DSC1: variants seen among roughly 807,000 people sequenced by gnomAD.
The protein encoded by DSC1 is desmocollin-1.
In DSC1, 79 loss-of-function variants were observed where a neutral mutation model predicts 98.8. The observed-to-expected ratio is 0.80, with a 90% CI of 0.67 to 0.96. DSC1 has a LOEUF of 0.96. Ranked by LOEUF, DSC1 falls within the 50% of genes least tolerant of loss-of-function variation. The probability of loss-of-function intolerance (pLI) is 0.00; values close to 1 mark genes in which losing one functional copy is unlikely to be tolerated. For missense variants in DSC1, 1,115 were observed against 1,075.9 expected, an observed-to-expected ratio of 1.04 and a Z score of -0.51; for synonymous variants, 405 against 372.1, an observed-to-expected ratio of 1.09 and a Z score of -1.02.
rs751647056 is a variant in DSC1 at position 31,130,708 on chromosome 18, C to A, written c.2491G>T (p.Val831Leu). 10 of 1,613,476 alleles carry A rather than the reference C, an allele frequency of 6.2e-6. No individual in the cohort carries two copies. The highest frequency in any genetic ancestry group is 8.5e-6 in the Non-Finnish European group (10 of 1,179,880). ...SFTQPRLGEK[V>L]YLCGQDEEHK... Reference sequence around the variant, plus strand: ...TCCTCATCTTGTCCACACAAATACACCTTCTGTATCAAAAAAGAGCACATT... The same window carrying A: ...TCCTCATCTTGTCCACACAAATACAACTTCTGTATCAAAAAAGAGCACATT... Residue 831 changes from valine to leucine, a missense_variant, in exon 16 of 16, where the codon GTG becomes TTG. By Grantham distance (32) the Val-to-Leu change is conservative. Transcript: ENST00000257198.
At position 31,130,244 on chromosome 18, in the gene DSC1, G is replaced by C. The variant is rs1988454701; in HGVS notation, c.*270C>G. ...AAGTAACATCAGTTTGCAAATAAAAGGTGCAAGAAGGTGTACAGTACAGTC... is the reference window on the plus strand; with the variant it reads ...AAGTAACATCAGTTTGCAAATAAAACGTGCAAGAAGGTGTACAGTACAGTC... On this transcript the variant is annotated 3_prime_UTR_variant, in exon 16 of 16. Coordinates refer to ENST00000257198, the MANE Select transcript of DSC1 (RefSeq NM_024421.2). 5.9e-6 allele frequency: 2 copies of C among 339,522 alleles called. No homozygotes were observed. Among genetic ancestry groups the C allele is most frequent in the Non-Finnish European group, 1.1e-5 (2 of 188,700 alleles). 21.0% of individuals were successfully genotyped at this position (339,522 alleles called of 1,614,324 possible).
chr18:31,130,733 TTTA>T (rs1188376050), intron 15 of DSC1, 22 bp from the exon 16 acceptor site: 2 of 1,612,552 alleles, frequency 1.2e-6, no homozygotes, highest in Non-Finnish European at 8.5e-7. Flanking sequence ...AAGAGCACAT[TTTA>T]TTATTTTTTA....
chr18:31,141,424 T>C (rs1261138869), intron 9 of DSC1, among the ~76,000 whole-genome samples: 6 of 152,148 alleles, frequency 3.9e-5, no homozygotes, highest in Admixed American at 2.6e-4. Context: ...TATGGATAGA[T>C]GGACTAAAAA....
chr18:31,143,809 AC>A lies in DSC1; in HGVS notation c.940-19del. 1 of 1,538,638 alleles carries A rather than the reference AC, an allele frequency of 6.5e-7. No individual in the cohort carries two copies. The highest frequency in any genetic ancestry group is 8.7e-7 in the Non-Finnish European group (1 of 1,146,582). On this transcript the variant is annotated intron_variant, in intron 7 of 15. Coordinates refer to ENST00000257198, the MANE Select transcript of DSC1 (RefSeq NM_024421.2). The stretch of plus-strand genomic sequence containing the variant: ...TCACATTTCTGAAAAAAAGGAAAAA[AC>A]TACATTAATGAACACTTTTATTTCC...
intron 2 of DSC1, 76 bp from the exon 3 acceptor site, chr18:31,157,649 G>A: frequency 6.6e-7 from 1 of 1,510,894 alleles, no homozygotes; most frequent in Non-Finnish European, 9.2e-7. Context: ...TGACAGCCGT[G>A]AGTTAATGCA....
At chr18:31,157,038 A>G (rs1989111648) in intron 3 of DSC1, among the ~76,000 whole-genome samples, 1 of 152,210 alleles carries the variant, frequency 6.6e-6, no homozygotes, top group South Asian at 2.1e-4. Flanking sequence ...TCCAGCCTGA[A>G]TCACATTTCG....
At chr18:31,131,506 A>G (rs192144667) in intron 15 of DSC1, 88 bp downstream of exon 15, 2 of 1,512,828 alleles carry the variant, frequency 1.3e-6, no homozygotes, top group East Asian at 2.3e-5. Context: ...AATTCCAGGT[A>G]TATGAGGAGT....
chr18:31,155,356 G>T (rs193090259), intron 4 of DSC1, among the ~76,000 whole-genome samples: 1 of 152,100 alleles, frequency 6.6e-6, no homozygotes, highest in African/African-American at 2.4e-5. Flanking sequence ...TTGGCCGGGC[G>T]CAGTGGCTCA....
chr18:31,162,694 T>A lies in DSC1; in HGVS notation c.-100A>T. 1 of 995,100 alleles carries A rather than the reference T, an allele frequency of 1.0e-6. No individual in the cohort carries two copies. Among genetic ancestry groups the A allele is most frequent in the Non-Finnish European group, 1.6e-6 (1 of 635,242 alleles). The allele number at this position is 995,100 out of a possible 1,614,324, so 61.6% of individuals were successfully genotyped here. On this transcript the variant is annotated 5_prime_UTR_variant, in exon 1 of 16. Transcript: ENST00000257198. ...ACGCTGGCACTTGCACAGGGTATTC[T>A]GCTGCCACCTTGATGCAGCTGAGCT... is the stretch of plus-strand genomic sequence containing the variant.
chr18:31,157,596 C>G, intron 2 of DSC1, 23 bp from the exon 3 acceptor site: 2 of 1,613,492 alleles, frequency 1.2e-6, no homozygotes, highest in Non-Finnish European at 1.7e-6. Flanking sequence ...AATATCACAG[C>G]AGTTTGTCAG....
At chr18:31,139,507 T>G (rs183496653) in intron 11 of DSC1, among the ~76,000 whole-genome samples, 1 of 152,154 alleles carries the variant, frequency 6.6e-6, no homozygotes, top group Non-Finnish European at 1.5e-5. Context: ...TTAATTGTGA[T>G]GTAATTACAT....
At chr18:31,150,193 C>CA (rs977098296) in intron 5 of DSC1, among the ~76,000 whole-genome samples, 7 of 146,442 alleles carry the variant, frequency 4.8e-5, no homozygotes, top group Admixed American at 2.1e-4. Context: ...TCACCACCAT[C>CA]ATCATCACCA....
intron 14 of DSC1, chr18:31,132,080 A>C: frequency 1.8e-6 from 1 of 545,016 alleles, no homozygotes; most frequent in Non-Finnish European, 3.3e-6. Context: ...GTCATTGTAG[A>C]TGTAATTAGC....
chr18:31,131,649 G>C lies in DSC1; in HGVS notation c.2432C>G (p.Thr811Ser). 1 of 1,614,102 alleles carries C rather than the reference G, an allele frequency of 6.2e-7. No homozygotes were observed. Among genetic ancestry groups the C allele is most frequent in the Non-Finnish European group, 8.5e-7 (1 of 1,179,980 alleles). Reference protein sequence around the residue: ...ESVKGVGQGDTGRYAYTDWQS... With the variant: ...ESVKGVGQGDSGRYAYTDWQS... Reference sequence around the variant, plus strand: ...CCAGTCCGTGTACGCATATCTGCCAGTATCTCCCTGCCCCACTCCCTTGAC... The same window carrying C: ...CCAGTCCGTGTACGCATATCTGCCACTATCTCCCTGCCCCACTCCCTTGAC... The change falls in exon 15 of 16, where the codon ACT becomes AGT. Residue 811 changes from threonine (T) to serine (S), a missense_variant. Coordinates refer to ENST00000257198, the MANE Select transcript of DSC1 (RefSeq NM_024421.2).
At chr18:31,141,119 A>T (rs572165546) in intron 9 of DSC1, among the ~76,000 whole-genome samples, 1 of 152,244 alleles carries the variant, frequency 6.6e-6, no homozygotes, top group East Asian at 1.9e-4. Flanking sequence ...TTTTGTTCCC[A>T]GTTTCGGATA....
In DSC1 at chr18:31,131,692, G is replaced by A. The variant is rs767317210; in HGVS notation, c.2389C>T (p.His797Tyr). Residue 797 changes from histidine to tyrosine, a missense_variant, in exon 15 of 16, where the codon CAT (histidine) becomes TAT (tyrosine). By Grantham distance (83) the His-to-Tyr change is moderately conservative. Transcript: ENST00000257198. The stretch of plus-strand genomic sequence containing the variant: ...CCCTTGACGGACTCCAAGGTCTGAT[G>A]TCCACCTCCTTTGTTGGAATCCAAA... Reference protein sequence around the residue: ...YTLDSNKGGGHQTLESVKGVG... With the variant: ...YTLDSNKGGGYQTLESVKGVG... 1 of 1,614,070 alleles carries A rather than the reference G, an allele frequency of 6.2e-7. No individual in the cohort carries two copies. Among genetic ancestry groups the A allele is most frequent in the Non-Finnish European group, 8.5e-7 (1 of 1,179,988 alleles).
rs1989092958 is a variant in DSC1, at chr18:31,156,129, G to T, written c.385C>A (p.Leu129Ile). ...PKKRHTKDTALKRSKRRWAPI... is the reference protein window; with the variant it reads ...PKKRHTKDTAIKRSKRRWAPI... ...GCCCATCGTCTCTTGCTGCGCTTGA[G>T]GGCTGTGTCTTTGGTATGTCTCTTC... is the stretch of plus-strand genomic sequence containing the variant. The change falls in exon 4 of 16, where the codon CTC (leucine) becomes ATC (isoleucine). Residue 129 changes from leucine to isoleucine, a missense_variant. Physicochemically the swap from Leu to Ile is conservative, Grantham distance 5 (BLOSUM62 2). Transcript: ENST00000257198. The T allele has an allele frequency of 1.2e-6, 2 of 1,614,112 alleles. No individual in the cohort carries two copies. The highest frequency in any genetic ancestry group is 1.7e-6 in the Non-Finnish European group (2 of 1,180,026).
At position 31,162,532 on chromosome 18, in the gene DSC1, C is replaced by A. The variant is rs745956509; in HGVS notation, c.63G>T (p.Leu21=). The change falls in exon 1 of 16, where the codon CTG becomes CTT. Residue 21 remains leucine, a splice_region_variant and synonymous_variant. Coordinates refer to ENST00000257198, the MANE Select transcript of DSC1 (RefSeq NM_024421.2). ...IFCKQLLFSL[L]VLTLLCDACQ... The stretch of plus-strand genomic sequence containing the variant: ...CCCTAATCCTTTGGTTGTTACTCAC[C>A]AGGAGAGAGAAAAGGAGCTGCTTAC... The A allele has an allele frequency of 1.2e-6, 2 of 1,613,884 alleles. No homozygotes were observed. The highest frequency in any genetic ancestry group is 2.7e-5 in the African/African-American group (2 of 74,870).
intron 12 of DSC1, 146 bp downstream of exon 12, chr18:31,134,426 T>C: frequency 1.2e-6 from 1 of 826,656 alleles, no homozygotes; most frequent in Non-Finnish European, 1.8e-6. Flanking sequence ...GGCACTAATT[T>C]TTTTTAAAGA....
Sources: allele counts gnomAD v4.1 joint callset (sites outside exome capture counted in the v4.1 genomes callset), GRCh38; gene constraint gnomAD v4.1.1; transcripts MANE v1.5; gene names NCBI Gene and HGNC (gene_info 2026-07-23, HGNC 2026-07-21).